Variants in TENM2 observed in about 807,000 individuals in gnomAD.
TENM2 encodes the protein teneurin transmembrane protein 2.
TENM2 carries 52 observed loss-of-function variants against 245.2 expected under a neutral mutation model. The observed-to-expected ratio is 0.21, with a 90% CI of 0.17 to 0.27. The LOEUF is 0.27. Ranked by LOEUF, TENM2 falls within the 10% of genes least tolerant of loss-of-function variation. The pLI is 1.00. For missense variants in TENM2, 3,046 were observed against 3,666.8 expected (o/e 0.83, Z 4.37); for synonymous variants, 1,363 against 1,438.9 (o/e 0.95, Z 1.19).
At chr5:168,059,715 T>C (rs1424786507) in intron 6 of TENM2, among the ~76,000 whole-genome samples, 1 of 152,134 alleles carries the variant, frequency 6.6e-6, no homozygotes, top group African/African-American at 2.4e-5. Context: ...TTTATAGTAA[T>C]GAGAGCTCCT....
intron 9 of TENM2, among the ~76,000 whole-genome samples, chr5:168,099,490 G>T (rs939226035): frequency 3.3e-5 from 5 of 152,106 alleles, no homozygotes; most frequent in African/African-American, 1.2e-4. Context: ...TCTTAGCAGG[G>T]CACAATAAGG....
the TENM2 span, among the ~76,000 whole-genome samples, chr5:167,158,893 TTC>T: frequency 1.4e-4 from 20 of 146,152 alleles, no homozygotes; most frequent in African/African-American, 4.7e-4. Flanking sequence ...CCTTCCTTCC[TTC>T]CTTCCTTCCT....
chr5:168,195,444 C>A, intron 15 of TENM2, 149 bp downstream of exon 17: 1 of 942,942 alleles, frequency 1.1e-6, no homozygotes, highest in Non-Finnish European at 1.5e-6. Context: ...CCCCCAAAGA[C>A]ATTTCATGCT....
At chr5:167,340,550 T>C (rs1758035422) in intron 1 of TENM2, among the ~76,000 whole-genome samples, 1 of 152,186 alleles carries the variant, frequency 6.6e-6, no homozygotes, top group Non-Finnish European at 1.5e-5. Context: ...GGCACCCTTC[T>C]ATTGGATCAG....
chr5:167,385,001 A>C (rs970550559), intron 2 of TENM2, among the ~76,000 whole-genome samples: 1 of 152,216 alleles, frequency 6.6e-6, no homozygotes, highest in Non-Finnish European at 1.5e-5. Flanking sequence ...TGTTCCTTAC[A>C]GTGCAATCTA....
At chr5:167,601,232 G>A (rs1164553571) in intron 2 of TENM2, among the ~76,000 whole-genome samples, 1 of 152,264 alleles carries the variant, frequency 6.6e-6, no homozygotes, top group Admixed American at 6.5e-5. Context: ...TCAATAGAAC[G>A]TCCTGTCGCA....
chr5:167,430,775 A>C (rs1412541108), intron 2 of TENM2, among the ~76,000 whole-genome samples: 1 of 152,206 alleles, frequency 6.6e-6, no homozygotes, highest in East Asian at 1.9e-4. Flanking sequence ...AGCTCTCACA[A>C]AGTTTCTTCT....
chr5:167,907,513 A>T, intron 3 of TENM2, among the ~76,000 whole-genome samples: 1 of 126,386 alleles, frequency 7.9e-6, no homozygotes, highest in African/African-American at 2.9e-5. Flanking sequence ...AATTTTGTTT[A>T]GATCACCCTA....
chr5:167,027,366 C>T, the TENM2 span, among the ~76,000 whole-genome samples: 3 of 152,126 alleles, frequency 2.0e-5, no homozygotes, highest in Non-Finnish European at 2.9e-5. Flanking sequence ...GCCCAGTTCG[C>T]CCAGCTAGAT....
At chr5:167,469,061 A>T (rs1277575662) in intron 2 of TENM2, among the ~76,000 whole-genome samples, 1 of 152,164 alleles carries the variant, frequency 6.6e-6, no homozygotes, top group Non-Finnish European at 1.5e-5. Flanking sequence ...TTACATAGAA[A>T]CTTTAAATGC....
chr5:167,284,930 C>G (rs1197384230), exon 1 of TENM2: 2 of 1,551,700 alleles, frequency 1.3e-6, no homozygotes, highest in South Asian at 2.4e-5. Context: ...ACAGTGAGGA[C>G]TGCCGCGTGC....
chr5:167,441,843 T>C (rs1226829725), intron 2 of TENM2, among the ~76,000 whole-genome samples: 1 of 152,320 alleles, frequency 6.6e-6, no homozygotes, highest in African/African-American at 2.4e-5. Context: ...ATATCTTCTC[T>C]TGGAAGGATG....
chr5:167,326,255 T>A (rs1581749711), intron 1 of TENM2, among the ~76,000 whole-genome samples: 1 of 152,284 alleles, frequency 6.6e-6, no homozygotes, highest in Non-Finnish European at 1.5e-5. Flanking sequence ...CTAGAGAACA[T>A]AATTTACTAT....
chr5:167,783,073 C>T (rs1225776805), intron 2 of TENM2, among the ~76,000 whole-genome samples: 1 of 151,908 alleles, frequency 6.6e-6, no homozygotes, highest in African/African-American at 2.4e-5. Context: ...GAAGGGGTTG[C>T]TTAATTTTTA....
chr5:168,133,737 A>G (rs974260651), intron 12 of TENM2, among the ~76,000 whole-genome samples: 1 of 152,230 alleles, frequency 6.6e-6, no homozygotes, highest in Non-Finnish European at 1.5e-5. Flanking sequence ...CATAAGTTGA[A>G]TCATCAGGCC....
the TENM2 span, among the ~76,000 whole-genome samples, chr5:167,151,945 T>C: frequency 1.3e-5 from 2 of 152,208 alleles, no homozygotes; most frequent in Non-Finnish European, 2.9e-5. Flanking sequence ...AAAGACACCA[T>C]ATCCATCCAG....
At chr5:168,007,932 C>T (rs960964202) in intron 5 of TENM2, among the ~76,000 whole-genome samples, 6 of 151,988 alleles carry the variant, frequency 3.9e-5, no homozygotes, top group African/African-American at 9.7e-5. Context: ...ACCGTAATAG[C>T]GATGATACCT....
chr5:167,806,451 C>T (rs992511089), intron 2 of TENM2, among the ~76,000 whole-genome samples: 2 of 152,058 alleles, frequency 1.3e-5, no homozygotes, highest in Admixed American at 1.3e-4. Flanking sequence ...TAGCTTCAGA[C>T]ATGTTAGATT....
intron 1 of TENM2, among the ~76,000 whole-genome samples, chr5:167,347,196 G>T (rs916591833): frequency 2.0e-5 from 3 of 151,478 alleles, no homozygotes; most frequent in Non-Finnish European, 2.9e-5. Flanking sequence ...TGGATAGTAC[G>T]CATGCCTGCT....
Sources: gnomAD v4.1 joint callset for allele counts (sites outside exome capture counted in the v4.1 genomes callset) on GRCh38, gnomAD v4.1.1 for gene constraint, MANE v1.5 for transcripts, NCBI Gene and HGNC (gene_info 2026-07-23, HGNC 2026-07-21) for gene names.